Variants in MACF1 observed in about 807,000 individuals in gnomAD.
MACF1 encodes the protein microtubule actin crosslinking factor 1, also known as microtubule-actin cross-linking factor 1.
MACF1 carries 193 observed loss-of-function variants against 854.8 expected under a neutral mutation model. The observed-to-expected ratio is 0.23, with a 90% confidence interval of 0.20 to 0.25. The LOEUF is 0.25. Among genes scored for constraint, MACF1 ranks in the 10% least tolerant of loss-of-function variants. The probability of loss-of-function intolerance (pLI) is 1.00; values close to 1 mark genes in which losing one functional copy is unlikely to be tolerated. For missense variants in MACF1, 7,722 were observed against 8,929.1 expected, an observed-to-expected ratio of 0.86 and a Z score of 5.45; for synonymous variants, 3,185 against 3,226.7, an observed-to-expected ratio of 0.99 and a Z score of 0.44.
chr1:39,342,971 T>C (rs1389554738), intron 40 of MACF1, among the ~76,000 whole-genome samples: 2 of 151,908 alleles, frequency 1.3e-5, no homozygotes, highest in African/African-American at 2.4e-5. Context: ...AATAAAACTT[T>C]ATTTACAAAA....
In MACF1 at chr1:39,317,370, G is replaced by C; in HGVS notation, c.3745G>C (p.Glu1249Gln). The C allele has an allele frequency of 6.2e-7, 1 of 1,613,280 alleles. No homozygotes were observed. Among genetic ancestry groups the C allele is most frequent in the South Asian group, 1.1e-5 (1 of 91,022 alleles). Residue 1249 changes from glutamate to glutamine, a missense_variant, in exon 29 of 101, where the codon GAG (glutamate) becomes CAG (glutamine). Transcript: ENST00000564288. Reference protein sequence around the residue: ...RYQEKGSQLQERWHRVIAQLE... With the variant: ...RYQEKGSQLQQRWHRVIAQLE... Reference sequence around the variant, plus strand: ...TCAGGAAAAAGGCTCCCAGCTGCAGGAGCGTTGGCACCGAGTCATTGCCCA... The same window carrying C: ...TCAGGAAAAAGGCTCCCAGCTGCAGCAGCGTTGGCACCGAGTCATTGCCCA...
rs986841584 is a variant in MACF1 at position 39,105,441 on chromosome 1, G to C, written c.220+21003G>C. On this transcript the variant is annotated intron_variant, in intron 2 of 93. Transcript: ENST00000361689. The surrounding 1 kb of genome is among the most constrained non-coding windows in gnomAD (Gnocchi z 5.9). ...GGCGGAGCGCGAGCGGGCCGGGTGC[G>C]AGCGGACTGAGGAGCGGAGCGCGAC... The C allele has an allele frequency of 4.0e-6, 4 of 994,314 alleles. No homozygotes were observed. Among genetic ancestry groups the C allele is most frequent in the Non-Finnish European group, 4.8e-6 (4 of 837,496 alleles). 61.6% of individuals were successfully genotyped at this position (994,314 alleles called of 1,614,324 possible). A position where few individuals can be genotyped will look rare whatever the true frequency, so the allele number is the denominator to read the frequency against.
intron 2 of MACF1, among the ~76,000 whole-genome samples, chr1:39,233,175 C>G (rs1321654949): frequency 6.6e-6 from 1 of 152,130 alleles, no homozygotes; most frequent in Non-Finnish European, 1.5e-5. Context: ...GCTGGGATTA[C>G]AGGCATGCAC....
chr1:39,206,315 T>C (rs543905959), intron 1 of MACF1, among the ~76,000 whole-genome samples: 164 of 152,324 alleles, frequency 1.1e-3, no homozygotes, highest in African/African-American at 3.9e-3. Flanking sequence ...TATTTGAACT[T>C]AGAAAGAAAG....
intron 2 of MACF1, among the ~76,000 whole-genome samples, chr1:39,101,790 C>T (rs1207590129): frequency 2.0e-5 from 3 of 148,340 alleles, no homozygotes; most frequent in Non-Finnish European, 4.5e-5. Flanking sequence ...CGCCACTGCA[C>T]TCCAGCCTGG....
intron 5 of MACF1, among the ~76,000 whole-genome samples, chr1:39,256,843 A>G (rs553469351): frequency 6.6e-6 from 1 of 150,896 alleles, no homozygotes; most frequent in African/African-American, 2.4e-5. Flanking sequence ...AAGACTGGTG[A>G]GGGAAGAGAG....
At chr1:39,288,928 C>T (rs1453544894) in intron 15 of MACF1, among the ~76,000 whole-genome samples, 1 of 152,120 alleles carries the variant, frequency 6.6e-6, no homozygotes, top group East Asian at 1.9e-4. Context: ...CCCTCTGATC[C>T]CGTAATACTC....
intron 15 of MACF1, among the ~76,000 whole-genome samples, chr1:39,288,193 T>A (rs991474712): frequency 4.6e-5 from 7 of 152,166 alleles, no homozygotes; most frequent in African/African-American, 1.7e-4. Context: ...ACTCTTTTAG[T>A]TATTTAAAAA....
chr1:39,381,378 T>TTG (rs1553330389), intron 55 of MACF1, among the ~76,000 whole-genome samples: 2,126 of 101,732 alleles, frequency 0.021, 27 homozygotes, highest in Non-Finnish European at 0.035. Flanking sequence ...TTTTTTTTTT[T>TTG]GGGGGGGGGG....
At chr1:39,187,127 A>T (rs1644184497) in intron 2 of MACF1, among the ~76,000 whole-genome samples, 1 of 151,810 alleles carries the variant, frequency 6.6e-6, no homozygotes, top group Non-Finnish European at 1.5e-5. Context: ...TATTGCCGTT[A>T]TATTCAGTGT....
At chr1:39,159,918 G>C (rs530771719) in intron 2 of MACF1, among the ~76,000 whole-genome samples, 91 of 152,192 alleles carry the variant, frequency 6.0e-4, no homozygotes, top group African/African-American at 2.2e-3. Flanking sequence ...CAGGAGATCT[G>C]TACTCCCTTC....
intron 70 of MACF1, among the ~76,000 whole-genome samples, chr1:39,436,646 A>T (rs1643984081): frequency 6.6e-6 from 1 of 152,212 alleles, no homozygotes; most frequent in African/African-American, 2.4e-5. Context: ...TAGAAGTGAG[A>T]GAGTGATGGG....
In MACF1 at chr1:39,387,706, G is replaced by A. The variant is rs140695276; in HGVS notation, c.14864G>A (p.Arg4955His). ...SKAMLNEVEK[R>H]RSLLEILNSA... ...GCTATGCTGAATGAGGTGGAGAAGCGCCGCTCCCTGCTGGAAATATTGAAT... is the reference window on the plus strand; with the variant it reads ...GCTATGCTGAATGAGGTGGAGAAGCACCGCTCCCTGCTGGAAATATTGAAT... The change falls in exon 58 of 101, where the codon CGC (arginine) becomes CAC (histidine). Residue 4955 changes from arginine (R) to histidine (H), a missense_variant. Arg to His is a conservative substitution (Grantham distance 29). Transcript: ENST00000564288. 1.9e-5 allele frequency: 30 copies of A among 1,614,124 alleles called. No individual in the cohort carries two copies. The highest frequency in any genetic ancestry group is 1.5e-4 in the African/African-American group (11 of 75,016).
chr1:39,337,019 T>G (rs1411139063), intron 37 of MACF1, among the ~76,000 whole-genome samples, 163 bp from the exon 38 acceptor site: 1 of 152,234 alleles, frequency 6.6e-6, no homozygotes, highest in Admixed American at 6.5e-5. Flanking sequence ...TAAAATCACC[T>G]TTGTCTATTG....
intron 2 of MACF1, among the ~76,000 whole-genome samples, chr1:39,146,153 AAAATGTGGGCCGG>A (rs2148190317): frequency 6.6e-6 from 1 of 152,310 alleles, no homozygotes; most frequent in South Asian, 2.1e-4. Context: ...ATAGATAAAG[AAAATGTGGGCCGG>A]GCACAGTAGC....
chr1:39,135,214 T>C (rs1571083856), intron 2 of MACF1, among the ~76,000 whole-genome samples: 1 of 152,216 alleles, frequency 6.6e-6, no homozygotes, highest in East Asian at 1.9e-4. Context: ...TTGCTAATAA[T>C]ATGATTATTT....
chr1:39,360,050 T>C (rs567708454), intron 47 of MACF1, among the ~76,000 whole-genome samples: 1,253 of 58,258 alleles, frequency 0.022, 82 homozygotes, highest in African/African-American at 0.072. Flanking sequence ...TATATATATA[T>C]ATACACACAC....
At chr1:39,146,968 C>T (rs1643479339) in intron 2 of MACF1, among the ~76,000 whole-genome samples, 1 of 152,036 alleles carries the variant, frequency 6.6e-6, no homozygotes. Flanking sequence ...AATATATACA[C>T]CTACTGAGTA....
intron 2 of MACF1, among the ~76,000 whole-genome samples, chr1:39,178,117 CTCAGTAAGCCCATAAAGG>C (rs1644055508): frequency 1.3e-5 from 2 of 151,304 alleles, no homozygotes; most frequent in Admixed American, 1.3e-4. Flanking sequence ...TATTTGTGTC[CTCAGTAAGCCCATAAAGG>C]TCAGCCAGTG....
Sources: gnomAD v4.1 joint callset for allele counts (sites outside exome capture counted in the v4.1 genomes callset) on GRCh38, gnomAD v4.1.1 for gene constraint, Gnocchi (gnomAD v3.1) non-coding constraint, MANE v1.5 for transcripts, NCBI Gene and HGNC (gene_info 2026-07-23, HGNC 2026-07-21) for gene names.